PDE1C: variants seen among roughly 807,000 people sequenced by gnomAD.
PDE1C encodes the protein phosphodiesterase 1C, also known as dual specificity calcium/calmodulin-dependent 3',5'-cyclic nucleotide phosphodiesterase 1C.
A neutral mutation model predicts 93.1 loss-of-function variants in PDE1C; 62 were observed. The ratio of observed to expected loss-of-function variants is 0.67; its 90% confidence interval spans 0.54 to 0.82. The LOEUF is 0.82. Among genes scored for constraint, PDE1C ranks in the 40% least tolerant of loss-of-function variants. The pLI is 0.00. For missense variants in PDE1C, 742 were observed against 884.6 expected, an observed-to-expected ratio of 0.84 and a Z score of 2.04; for synonymous variants, 325 against 310.1, an observed-to-expected ratio of 1.05 and a Z score of -0.50.
At chr7:31,799,962 C>T (rs1785790502) in intron 16 of PDE1C, among the ~76,000 whole-genome samples, 1 of 151,662 alleles carries the variant, frequency 6.6e-6, no homozygotes, top group Non-Finnish European at 1.5e-5. Context: ...TACATATCCC[C>T]TCATACAAGC....
intron 2 of PDE1C, among the ~76,000 whole-genome samples, chr7:32,029,235 T>A (rs183695648): frequency 2.9e-4 from 22 of 76,782 alleles, no homozygotes; most frequent in African/African-American, 1.1e-3. Context: ...TATACATTGT[T>A]GGCAGGAATG....
At chr7:32,199,634 G>C (rs868430623) in intron 2 of PDE1C, among the ~76,000 whole-genome samples, 1 of 151,932 alleles carries the variant, frequency 6.6e-6, no homozygotes, top group Non-Finnish European at 1.5e-5. Context: ...GAAGTTCTAC[G>C]GATTATCTTT....
At chr7:32,379,203 C>T (rs908671597) in intron 1 of PDE1C, among the ~76,000 whole-genome samples, 2 of 152,178 alleles carry the variant, frequency 1.3e-5, no homozygotes, top group African/African-American at 2.4e-5. Flanking sequence ...ACTGTGACAC[C>T]CTTGAGGGCA....
intron 2 of PDE1C, among the ~76,000 whole-genome samples, chr7:31,923,820 T>C (rs1380642278): frequency 6.6e-6 from 1 of 152,070 alleles, no homozygotes. Flanking sequence ...AATTAAATAA[T>C]AATAATAAAT....
At chr7:31,638,809 C>T in the PDE1C span, among the ~76,000 whole-genome samples, 2 of 152,204 alleles carry the variant, frequency 1.3e-5, no homozygotes, top group African/African-American at 4.8e-5. Context: ...TGGAGACTTG[C>T]TCTGTCGCCC....
At chr7:31,620,017 T>C in the PDE1C span, among the ~76,000 whole-genome samples, 10 of 152,106 alleles carry the variant, frequency 6.6e-5, no homozygotes, top group African/African-American at 2.4e-4. Context: ...AGCACAGCAG[T>C]CTGAGATCAA....
At chr7:32,196,954 G>A (rs1804665073) in intron 2 of PDE1C, among the ~76,000 whole-genome samples, 1 of 152,146 alleles carries the variant, frequency 6.6e-6, no homozygotes, top group Admixed American at 6.5e-5. Context: ...AGAAAACACA[G>A]GAGTAGGAAC....
the PDE1C span, among the ~76,000 whole-genome samples, chr7:31,710,416 C>A: frequency 6.6e-6 from 1 of 152,118 alleles, no homozygotes; most frequent in African/African-American, 2.4e-5. Context: ...GATCACACAG[C>A]CAATTTCTAA....
intron 5 of PDE1C, among the ~76,000 whole-genome samples, chr7:31,874,310 A>G (rs1488534362): frequency 6.6e-6 from 1 of 152,236 alleles, no homozygotes; most frequent in Non-Finnish European, 1.5e-5. Context: ...TGTAGTAAAC[A>G]AAGATTTATT....
intron 1 of PDE1C, among the ~76,000 whole-genome samples, chr7:32,404,276 T>TA (rs1200778105): frequency 6.6e-6 from 1 of 152,236 alleles, no homozygotes; most frequent in Non-Finnish European, 1.5e-5. Context: ...GAGCAAGCCA[T>TA]AAATGAATGG....
intron 2 of PDE1C, among the ~76,000 whole-genome samples, chr7:32,181,548 T>C (rs1803422373): frequency 6.6e-6 from 1 of 152,152 alleles, no homozygotes; most frequent in Non-Finnish European, 1.5e-5. Flanking sequence ...CCTGAATGAC[T>C]ACTGGGTACA....
intron 1 of PDE1C, among the ~76,000 whole-genome samples, chr7:32,270,051 C>T (rs780955327): frequency 2.6e-5 from 4 of 152,082 alleles, no homozygotes; most frequent in Non-Finnish European, 4.4e-5. Flanking sequence ...GCTGGGATTA[C>T]AGGTGTGGTA....
chr7:31,930,675 C>T (rs112417149), intron 2 of PDE1C, among the ~76,000 whole-genome samples: 1 of 151,666 alleles, frequency 6.6e-6, no homozygotes, highest in African/African-American at 2.4e-5. Context: ...CTCATCTCTA[C>T]TAAAAATACA....
chr7:31,970,599 T>G (rs1810808681), intron 2 of PDE1C, among the ~76,000 whole-genome samples: 1 of 152,264 alleles, frequency 6.6e-6, no homozygotes, highest in African/African-American at 2.4e-5. Flanking sequence ...AAACTGTGAT[T>G]GTTGAGTAAA....
At chr7:31,852,024 G>A (rs1793405034) in intron 7 of PDE1C, among the ~76,000 whole-genome samples, 1 of 152,178 alleles carries the variant, frequency 6.6e-6, no homozygotes, top group Admixed American at 6.6e-5. Flanking sequence ...CCTGTGGTCT[G>A]AATTAAAGAT....
intron 2 of PDE1C, among the ~76,000 whole-genome samples, chr7:31,969,585 G>A (rs576292033): frequency 1.3e-5 from 2 of 152,152 alleles, no homozygotes; most frequent in African/African-American, 2.4e-5. Context: ...TCAGTGTGGC[G>A]ATTCCTCAGG....
the PDE1C span, among the ~76,000 whole-genome samples, chr7:31,690,721 G>A: frequency 5.9e-5 from 9 of 152,134 alleles, no homozygotes; most frequent in East Asian, 1.7e-3. Context: ...TTCAAGGGTC[G>A]GGGAGAAGGA....
chr7:31,637,015 T>C, the PDE1C span, among the ~76,000 whole-genome samples: 1 of 151,762 alleles, frequency 6.6e-6, no homozygotes, highest in Non-Finnish European at 1.5e-5. Flanking sequence ...GATAGTTTGC[T>C]GAGAATGATG....
At chr7:32,216,176 A>G (rs1006166912) in intron 1 of PDE1C, among the ~76,000 whole-genome samples, 5 of 152,124 alleles carry the variant, frequency 3.3e-5, no homozygotes, top group Admixed American at 2.0e-4. Context: ...TGCTGGGGGG[A>G]AGGAGACTTG....
Sources: gnomAD v4.1 joint callset for allele counts (sites outside exome capture counted in the v4.1 genomes callset) on GRCh38, gnomAD v4.1.1 for gene constraint, MANE v1.5 for transcripts, NCBI Gene and HGNC (gene_info 2026-07-23, HGNC 2026-07-21) for gene names.